Variants in TEF observed in about 807,000 individuals in gnomAD.
TEF encodes the protein TEF transcription factor, PAR bZIP family member, also known as thyrotroph embryonic factor.
In TEF, 3 loss-of-function variants were observed where a neutral mutation model predicts 20.8. The ratio of observed to expected loss-of-function variants is 0.14; its 90% CI spans 0.07 to 0.37. The LOEUF (loss-of-function observed/expected upper bound fraction) is 0.37. TEF is among the 10% of genes least tolerant of loss of function. The probability of loss-of-function intolerance (pLI) is 1.00; values close to 1 mark genes in which losing one functional copy is unlikely to be tolerated. For synonymous variants in TEF, 180 were observed against 171.1 expected, an observed-to-expected ratio of 1.05 and a Z score of -0.41; for missense variants, 296 against 397.9, an observed-to-expected ratio of 0.74 and a Z score of 2.18.
intron 2 of TEF, among the ~76,000 whole-genome samples, chr22:41,392,670 CAAA>C (rs920294546): frequency 4.1e-3 from 162 of 39,318 alleles, no homozygotes; most frequent in African/African-American, 0.019. Flanking sequence ...TGAGACTCTT[CAAA>C]AAAAAAAAAA....
chr22:41,381,936 GC>G, upstream of TEF: 1 of 1,226,330 alleles, frequency 8.2e-7, no homozygotes, highest in Non-Finnish European at 1.0e-6. Context: ...GCCATTGGGC[GC>G]CTGCGCAGTA....
chr22:41,386,959 G>T (rs1043535785), intron 1 of TEF, among the ~76,000 whole-genome samples: 2 of 152,104 alleles, frequency 1.3e-5, no homozygotes, highest in African/African-American at 2.4e-5. Context: ...CACAAGAATC[G>T]CTTGAACCCA....
chr22:41,376,769 C>CAGTGT (rs1456701490), intron 1 of TEF, among the ~76,000 whole-genome samples: 2 of 152,192 alleles, frequency 1.3e-5, no homozygotes, highest in Non-Finnish European at 2.9e-5. Context: ...CACTGCACAC[C>CAGTGT]GTGCCAGGCG....
rs1261315560 is a variant in TEF at position 41,369,868 on chromosome 22, C to T, written c.67+2269C>T. 6.1e-6 allele frequency: 6 copies of T among 983,888 alleles called. 1 individual carries two copies. The South Asian group carries it at 1.9e-4, about 31-fold the overall frequency. 60.9% of individuals were successfully genotyped at this position (983,888 alleles called of 1,614,324 possible). ...CCTTGCTTTGGTGGACTTCCTGCTG[C>T]TCCCGTCCAGTGGAAGGGGGCAGTT... On this transcript the variant is annotated intron_variant, in intron 1 of 3. Coordinates refer to the TEF transcript ENST00000406644.
chr22:41,387,388 G>GGCCGCA lies in TEF; in HGVS notation c.201_206dup (p.Ala68_Ala69dup), dbSNP rs1445894585. The stretch of plus-strand genomic sequence containing the variant: ...GGAAGGAAAAGCTGGAGGAGGACGA[G>GGCCGCA]GCCGCAGCCGCCAGCACCATGGCTG... On this transcript the variant is annotated inframe_insertion, in exon 2 of 4. Coordinates refer to ENST00000266304, the MANE Select transcript of TEF (RefSeq NM_003216.4). The GGCCGCA allele has an allele frequency of 6.2e-7, 1 of 1,614,248 alleles. No homozygotes were observed. The highest frequency in any genetic ancestry group is 2.2e-5 in the East Asian group (1 of 44,886).
At position 41,393,004 on chromosome 22, in the gene TEF, T is replaced by C. The variant is rs573773566; in HGVS notation, c.476-1092T>C. 2.0e-5 allele frequency among the ~76,000 whole-genome samples: 3 copies of C among 151,448 alleles called. No individual in the cohort carries two copies. The East Asian group carries it at 5.9e-4, about 30-fold the overall frequency. On this transcript the variant is annotated intron_variant, in intron 2 of 3. Transcript: ENST00000266304. ...GAGCCAAGATTGCACCAGTGCACTC[T>C]ACCCTGAGTGACAGAGCAAGACTCA...
intron 1 of TEF, among the ~76,000 whole-genome samples, chr22:41,371,646 T>C (rs2036884341): frequency 6.6e-6 from 1 of 152,244 alleles, no homozygotes; most frequent in Non-Finnish European, 1.5e-5. Flanking sequence ...AACAGCAGCA[T>C]GGCCTGGCGT....
intron 1 of TEF, among the ~76,000 whole-genome samples, chr22:41,375,275 C>A (rs370670003): frequency 1.3e-5 from 2 of 152,184 alleles, no homozygotes; most frequent in South Asian, 2.1e-4. Context: ...CACCACTTCT[C>A]CCCTGGAACA....
upstream of TEF, chr22:41,381,904 A>G (rs1255270629): frequency 3.3e-6 from 4 of 1,225,226 alleles, no homozygotes; most frequent in African/African-American, 3.1e-5. Flanking sequence ...CAGGCGGGGT[A>G]GCGATGGAAG....
intron 2 of TEF, among the ~76,000 whole-genome samples, chr22:41,391,404 C>T (rs896249790): frequency 6.6e-6 from 1 of 151,492 alleles, no homozygotes; most frequent in South Asian, 2.1e-4. Context: ...CAGCTCGCTG[C>T]GACCTCTGCC....
chr22:41,395,451 C>G (rs951083939), intron 3 of TEF, among the ~76,000 whole-genome samples: 1 of 152,134 alleles, frequency 6.6e-6, no homozygotes, highest in African/African-American at 2.4e-5. Context: ...CTAAGTAAGG[C>G]AAGGGTGTGG....
intron 1 of TEF, chr22:41,367,696 C>G (rs1393234153): frequency 7.9e-7 from 1 of 1,260,404 alleles, no homozygotes; most frequent in Admixed American, 2.1e-5. Flanking sequence ...CATCTCCAAG[C>G]CAGGGAGGGT....
chr22:41,394,270 C>G lies in TEF; in HGVS notation c.650C>G (p.Pro217Arg). Residue 217 changes from proline (P) to arginine (R), a missense_variant, in exon 3 of 4, where the codon CCT becomes CGT. By Grantham distance (103) the Pro-to-Arg change is moderately radical (BLOSUM62 -2). Coordinates refer to ENST00000266304, the MANE Select transcript of TEF (RefSeq NM_003216.4). ...KFAEEDLKPQ[P>R]MIKKAKKVFV... The stretch of plus-strand genomic sequence containing the variant: ...GCTGAGGAGGACCTGAAGCCCCAGC[C>G]TATGATCAAAAAGGCCAAGAAGGTC... 6.2e-7 allele frequency: 1 copy of G among 1,614,114 alleles called. No homozygotes were observed.
At position 41,387,856 on chromosome 22, in the gene TEF, T is replaced by C. The variant is rs567559676; in HGVS notation, c.475+188T>C. 3.7e-3 allele frequency among the ~76,000 whole-genome samples: 563 copies of C among 152,104 alleles called. 3 individuals are homozygous for C. The highest frequency in any genetic ancestry group is 6.1e-3 in the Non-Finnish European group (413 of 68,002). Reference sequence around the variant, plus strand: ...AGTTCCCCGAGGCTGGAGATAAAAATAGTGGTCATGTCACTGGCAGTTGGA... The same window carrying C: ...AGTTCCCCGAGGCTGGAGATAAAAACAGTGGTCATGTCACTGGCAGTTGGA... On this transcript the variant is annotated intron_variant, in intron 2 of 3. Coordinates refer to ENST00000266304, the MANE Select transcript of TEF (RefSeq NM_003216.4).
At position 41,381,987 on chromosome 22, in the gene TEF, G is replaced by C. The variant is rs2037031954; in HGVS notation, c.-58G>C. 6 of 1,229,142 alleles carry C rather than the reference G, an allele frequency of 4.9e-6. No individual in the cohort carries two copies. The highest frequency in any genetic ancestry group is 6.1e-6 in the Non-Finnish European group (6 of 986,278). The allele number at this position is 1,229,142 out of a possible 1,614,324, so 76.1% of individuals were successfully genotyped here. A position where few individuals can be genotyped will look rare whatever the true frequency, so the allele number is the denominator to read the frequency against. The stretch of plus-strand genomic sequence containing the variant: ...CAGCTGCAGCGGGTCGCACGGCTCC[G>C]GCCCATCTCGGGGGGCGGGCGGGGG... On this transcript the variant is annotated 5_prime_UTR_variant, in exon 1 of 4. Coordinates refer to ENST00000266304, the MANE Select transcript of TEF (RefSeq NM_003216.4).
Position 41,387,439 on chromosome 22 carries a change from C to T in TEF, c.246C>T (p.Ile82=). Residue 82 remains isoleucine, a synonymous_variant, in exon 2 of 4, where the codon ATC becomes ATT. Transcript: ENST00000266304. The part of the protein sequence containing the change: ...MAVSASLMPP[I]WDKTIPYDGE... ...TCTCAGCCTCCCTCATGCCACCCAT[C>T]TGGGACAAGACCATCCCATATGATG... The T allele has an allele frequency of 1.9e-6, 3 of 1,614,242 alleles. No homozygotes were observed. Among genetic ancestry groups the T allele is most frequent in the South Asian group, 1.1e-5 (1 of 91,086 alleles).
chr22:41,378,641 G>A (rs979635544), upstream of TEF, among the ~76,000 whole-genome samples: 2 of 151,882 alleles, frequency 1.3e-5, no homozygotes, highest in East Asian at 1.9e-4. Context: ...ACTGTGCCCG[G>A]CTATATTCTT....
At position 41,394,083 on chromosome 22, in the gene TEF, CTG is replaced by C. The variant is rs755311117; in HGVS notation, c.476-9_476-8del. On this transcript the variant is annotated splice_polypyrimidine_tract_variant and intron_variant, in intron 2 of 3. Coordinates refer to ENST00000266304, the MANE Select transcript of TEF (RefSeq NM_003216.4). ...TGGGCTGCTTCGGGACCACCTGTCT[CTG>C]TGTCTTTTAGAATCTTCCCTGGAGA... The C allele has an allele frequency of 1.2e-6, 2 of 1,612,948 alleles. No homozygotes were observed. The highest frequency in any genetic ancestry group is 1.3e-5 in the African/African-American group (1 of 74,886).
intron 2 of TEF, among the ~76,000 whole-genome samples, chr22:41,389,123 G>A (rs543874584): frequency 6.2e-4 from 94 of 152,166 alleles, no homozygotes; most frequent in Admixed American, 1.8e-3. Context: ...TTTACAGGCC[G>A]GGCGCAGTGG....
Sources: allele counts gnomAD v4.1 joint callset (sites outside exome capture counted in the v4.1 genomes callset), GRCh38; gene constraint gnomAD v4.1.1; transcripts MANE v1.5; gene names NCBI Gene and HGNC (gene_info 2026-07-23, HGNC 2026-07-21).